The following ACBD6 variants were observed in gnomAD, a reference collection of about 807,000 sequenced individuals.
ACBD6 encodes acyl-CoA-binding domain-containing protein 6.
ACBD6 carries 28 observed loss-of-function variants against 37.2 expected under a neutral mutation model. The ratio of observed to expected loss-of-function variants is 0.75; its 90% CI spans 0.56 to 1.03. The LOEUF (loss-of-function observed/expected upper bound fraction) is 1.03. Ranked by LOEUF, ACBD6 falls within the 50% of genes least tolerant of loss-of-function variation. The pLI is 0.00. For missense variants in ACBD6, 340 were observed against 337.4 expected, an observed-to-expected ratio of 1.01 and a Z score of -0.06; for synonymous variants, 113 against 126.8, an observed-to-expected ratio of 0.89 and a Z score of 0.73.
In ACBD6 at chr1:180,502,151, G is replaced by A; in HGVS notation, c.116C>T (p.Thr39Ile). ...CTCAAACAGCTCGGCCAGGCAACTG[G>A]TCTCCTCGATCTCAGGGCTATGGGG... ...EFPHSPEIEE[T>I]SCLAELFEKA... Residue 39 changes from threonine to isoleucine, a missense_variant, in exon 1 of 8, where the codon ACC (threonine) becomes ATC (isoleucine). Physicochemically the swap from Thr to Ile is moderately conservative, Grantham distance 89 (BLOSUM62 -1). Transcript: ENST00000367595. 1.2e-6 allele frequency: 2 copies of A among 1,614,088 alleles called. No individual in the cohort carries two copies. Among genetic ancestry groups the A allele is most frequent in the East Asian group, 2.2e-5 (1 of 44,870 alleles).
chr1:180,461,126 G>A (rs1304618095), intron 3 of ACBD6, among the ~76,000 whole-genome samples: 2 of 152,118 alleles, frequency 1.3e-5, no homozygotes, highest in Non-Finnish European at 2.9e-5. Context: ...AATAGCAGAA[G>A]AGACCAAGTG....
chr1:180,404,468 G>A (rs61024380), intron 5 of ACBD6, among the ~76,000 whole-genome samples: 16,815 of 151,612 alleles, frequency 0.11, 1,366 homozygotes, highest in African/African-American at 0.22. Context: ...ATACATATGT[G>A]TATTTTTGAG....
intron 3 of ACBD6, among the ~76,000 whole-genome samples, chr1:180,460,919 C>T (rs1053835519): frequency 6.6e-6 from 1 of 152,146 alleles, no homozygotes; most frequent in Non-Finnish European, 1.5e-5. Flanking sequence ...ACAACAGAAA[C>T]AGACCTCACC....
intron 7 of ACBD6, among the ~76,000 whole-genome samples, chr1:180,304,220 C>T (rs1571337802): frequency 6.6e-6 from 1 of 150,776 alleles, no homozygotes. Context: ...CCTCTCTCAC[C>T]ACTCCTATTC....
chr1:180,435,096 T>G (rs1571506751), intron 3 of ACBD6: 2 of 773,768 alleles, frequency 2.6e-6, no homozygotes, highest in Admixed American at 3.5e-5. Context: ...CAATTCATCC[T>G]TCTCACCTAA....
chr1:180,389,852 T>A (rs965077843), intron 6 of ACBD6, among the ~76,000 whole-genome samples: 41 of 152,354 alleles, frequency 2.7e-4, no homozygotes, highest in Admixed American at 1.4e-3. Context: ...TGGGGTTGTT[T>A]GTTTTTTTCT....
intron 6 of ACBD6, among the ~76,000 whole-genome samples, chr1:180,377,199 C>T (rs1180774750): frequency 6.6e-6 from 1 of 152,096 alleles, no homozygotes; most frequent in African/African-American, 2.4e-5. Flanking sequence ...AAACTAAACC[C>T]TGTAATTTTT....
intron 3 of ACBD6, among the ~76,000 whole-genome samples, chr1:180,442,842 A>G (rs1649333126): frequency 6.6e-6 from 1 of 152,100 alleles, no homozygotes; most frequent in Non-Finnish European, 1.5e-5. Context: ...ATCTCTCTAC[A>G]TATGTTCACT....
chr1:180,474,086 C>T (rs1451849697), intron 3 of ACBD6, among the ~76,000 whole-genome samples: 2 of 152,114 alleles, frequency 1.3e-5, no homozygotes, highest in African/African-American at 2.4e-5. Flanking sequence ...TTTCAAAATA[C>T]TTCCAAAGAC....
intron 7 of ACBD6, among the ~76,000 whole-genome samples, chr1:180,300,654 C>T (rs541363590): frequency 1.3e-5 from 2 of 151,848 alleles, no homozygotes; most frequent in East Asian, 3.9e-4. Context: ...TTGTTCTTTC[C>T]ATGATGATTA....
chr1:180,438,648 G>GT (rs1211893177), intron 3 of ACBD6, among the ~76,000 whole-genome samples: 1 of 151,900 alleles, frequency 6.6e-6, no homozygotes, highest in Non-Finnish European at 1.5e-5. Flanking sequence ...AAAAAATAGG[G>GT]TTATCTCATA....
intron 7 of ACBD6, among the ~76,000 whole-genome samples, chr1:180,294,211 G>A (rs1233716455): frequency 1.3e-5 from 2 of 151,980 alleles, no homozygotes; most frequent in African/African-American, 4.8e-5. Flanking sequence ...TTCTTTTTCA[G>A]AAAACTTTGG....
rs1331272820 is a variant in ACBD6, at chr1:180,426,948, AC to A, written c.467+3231del. 2.0e-5 allele frequency among the ~76,000 whole-genome samples: 3 copies of A among 152,104 alleles called. 1 individual carries two copies. The East Asian group carries it at 5.8e-4, about 29-fold the overall frequency. On this transcript the variant is annotated intron_variant, in intron 4 of 7. Transcript: ENST00000367595. ...TTGTACTTAATTAGAATCCCCCTAC[AC>A]CCCCTCAATTATATTACAGAACAAT...
At chr1:180,393,813 C>T (rs1168887526) in intron 6 of ACBD6, among the ~76,000 whole-genome samples, 3 of 152,188 alleles carry the variant, frequency 2.0e-5, no homozygotes, top group Admixed American at 6.5e-5. Flanking sequence ...CTGGTGGCTA[C>T]ACACAATGGT....
At chr1:180,409,714 CT>C (rs1463086932) in intron 5 of ACBD6, among the ~76,000 whole-genome samples, 16 of 152,306 alleles carry the variant, frequency 1.1e-4, no homozygotes, top group African/African-American at 2.9e-4. Context: ...TTCCTGGTCT[CT>C]CCCCCTCTCT....
intron 5 of ACBD6, among the ~76,000 whole-genome samples, chr1:180,403,025 G>C (rs913903630): frequency 4.6e-5 from 7 of 152,102 alleles, no homozygotes; most frequent in Admixed American, 2.6e-4. Flanking sequence ...AGGAAGTACT[G>C]AACTATAGCA....
At chr1:180,462,153 C>T (rs536513514) in intron 3 of ACBD6, among the ~76,000 whole-genome samples, 29 of 152,170 alleles carry the variant, frequency 1.9e-4, no homozygotes, top group South Asian at 6.2e-4. Flanking sequence ...AGGAGAATTA[C>T]TTGAACTCGG....
exon 14 of ACBD6, chr1:180,271,111 G>A (rs1558223770): frequency 2.1e-5 from 11 of 534,904 alleles, no homozygotes; most frequent in South Asian, 1.4e-4. Context: ...AGACTTCTGT[G>A]CAGCTGGGCT....
At chr1:180,419,658 G>C (rs1286162946) in intron 4 of ACBD6, among the ~76,000 whole-genome samples, 3 of 152,188 alleles carry the variant, frequency 2.0e-5, no homozygotes, top group Non-Finnish European at 4.4e-5. Context: ...TCGATAAACA[G>C]TTGATAAATT....
Sources: allele counts gnomAD v4.1 joint callset (sites outside exome capture counted in the v4.1 genomes callset), GRCh38; gene constraint gnomAD v4.1.1; transcripts MANE v1.5; gene names NCBI Gene and HGNC (gene_info 2026-07-23, HGNC 2026-07-21).